Variants in DYNLT2B observed in about 807,000 individuals in gnomAD.
DYNLT2B encodes dynein light chain Tctex-type protein 2B.
A neutral mutation model predicts 19.5 loss-of-function variants in DYNLT2B; 14 were observed. The observed-to-expected ratio is 0.72, with a 90% CI of 0.47 to 1.12. DYNLT2B has a LOEUF of 1.12. DYNLT2B is among the 50% of genes most tolerant of loss of function. The probability of loss-of-function intolerance (pLI) is 0.00; values close to 1 mark genes in which losing one functional copy is unlikely to be tolerated. For synonymous variants in DYNLT2B, 70 were observed against 59.7 expected (o/e 1.17, Z -0.79); for missense variants, 133 against 174.7 (o/e 0.76, Z 1.35).
intron 3 of DYNLT2B, among the ~76,000 whole-genome samples, chr3:196,304,879 T>C (rs1175676796): frequency 3.9e-5 from 6 of 152,084 alleles, no homozygotes; most frequent in Admixed American, 3.3e-4. Context: ...CTTATCTACC[T>C]ACCTACCTAC....
intron 2 of DYNLT2B, among the ~76,000 whole-genome samples, chr3:196,310,892 C>T (rs149385037): frequency 2.0e-5 from 3 of 151,990 alleles, no homozygotes; most frequent in South Asian, 4.1e-4. Flanking sequence ...TGCACCACCA[C>T]GCCTGGCTAA....
Position 196,318,072 on chromosome 3 carries a change from G to C in DYNLT2B, c.81C>G (p.Asn27Lys). The C allele has an allele frequency of 3.8e-6, 6 of 1,564,678 alleles. No individual in the cohort carries two copies. Among genetic ancestry groups the C allele is most frequent in the Non-Finnish European group, 5.2e-6 (6 of 1,159,776 alleles). Reference protein sequence around the residue: ...EAEKNAGEPENTYILRPVFQQ... With the variant: ...EAEKNAGEPEKTYILRPVFQQ... ...GGAAAACAGGCCGCAGAATATAGGT[G>C]TTCTCGGGCTCCCCTGCGTTCTTCT... The change falls in exon 1 of 5, where the codon AAC becomes AAG. Residue 27 changes from asparagine (N) to lysine (K), a missense_variant. Asn to Lys is a moderately conservative substitution (Grantham distance 94). Transcript: ENST00000325318.
chr3:196,312,075 T>A (rs1043024739), intron 2 of DYNLT2B, among the ~76,000 whole-genome samples: 1 of 152,156 alleles, frequency 6.6e-6, no homozygotes, highest in South Asian at 2.1e-4. Flanking sequence ...AGACAGGGTT[T>A]CTCCATGTTG....
intron 3 of DYNLT2B, 150 bp from the exon 4 acceptor site, chr3:196,296,219 T>C: frequency 1.5e-6 from 1 of 662,084 alleles, no homozygotes; most frequent in Non-Finnish European, 2.6e-6. Flanking sequence ...GTATTGTATT[T>C]GTACCAGAGA....
At chr3:196,308,849 C>G (rs1391796596) in intron 2 of DYNLT2B, among the ~76,000 whole-genome samples, 1 of 152,160 alleles carries the variant, frequency 6.6e-6, no homozygotes, top group Non-Finnish European at 1.5e-5. Context: ...GAATAATACT[C>G]AGCCCTTAAA....
rs996940026 is a variant in DYNLT2B, at chr3:196,314,331, C to T, written c.247+1767G>A. Among the ~76,000 whole-genome samples the T allele has an allele frequency of 7.2e-5, 11 of 151,736 alleles. No individual in the cohort carries two copies. In the South Asian group the frequency reaches 1.5e-3, roughly 20 times the overall value. On this transcript the variant is annotated intron_variant, in intron 2 of 4. Transcript: ENST00000325318. ...AGACAAAATTAGCCACGTGTGGTGGCGCATGCTTGAAATTCCAACTGCTTG... is the reference window on the plus strand; with the variant it reads ...AGACAAAATTAGCCACGTGTGGTGGTGCATGCTTGAAATTCCAACTGCTTG...
intron 3 of DYNLT2B, among the ~76,000 whole-genome samples, chr3:196,301,126 T>C (rs1726343183): frequency 6.6e-6 from 1 of 151,828 alleles, no homozygotes; most frequent in Non-Finnish European, 1.5e-5. Flanking sequence ...CTCAGATGAG[T>C]TGGCACAAGA....
chr3:196,316,920 T>TG (rs1294929604), intron 1 of DYNLT2B, among the ~76,000 whole-genome samples: 1 of 139,034 alleles, frequency 7.2e-6, no homozygotes, highest in Non-Finnish European at 1.5e-5. Flanking sequence ...GTGTGGTGTG[T>TG]GTGTGTGTTG....
intron 2 of DYNLT2B, among the ~76,000 whole-genome samples, chr3:196,312,527 C>T (rs1186133275): frequency 3.9e-5 from 6 of 152,092 alleles, no homozygotes; most frequent in East Asian, 1.9e-4. Flanking sequence ...GGCACTATCT[C>T]GGCTCACTGC....
In DYNLT2B at chr3:196,318,026, C is replaced by G. The variant is rs750693495; in HGVS notation, c.113+14G>C. The G allele has an allele frequency of 2.0e-6, 3 of 1,482,976 alleles. No homozygotes were observed. The highest frequency in any genetic ancestry group is 1.4e-5 in the African/African-American group (1 of 69,534). The allele number at this position is 1,482,976 out of a possible 1,614,324, so 91.9% of individuals were successfully genotyped here. On this transcript the variant is annotated intron_variant, in intron 1 of 4. Transcript: ENST00000325318. Reference sequence around the variant, plus strand: ...CGCTCGAGGTCGCCCCGCCACAGCCCGTCCTCTACCCGCCTCTGCTGGAAA... The same window carrying G: ...CGCTCGAGGTCGCCCCGCCACAGCCGGTCCTCTACCCGCCTCTGCTGGAAA...
intron 2 of DYNLT2B, among the ~76,000 whole-genome samples, chr3:196,310,682 C>A (rs910933104): frequency 5.3e-5 from 8 of 151,794 alleles, no homozygotes; most frequent in African/African-American, 1.9e-4. Flanking sequence ...CCTGCTTCTG[C>A]CTCCCAAAGT....
intron 4 of DYNLT2B, among the ~76,000 whole-genome samples, chr3:196,293,663 T>TTTTA (rs1726147660): frequency 6.7e-6 from 1 of 148,752 alleles, no homozygotes; most frequent in Non-Finnish European, 1.5e-5. Context: ...TTTTTTTTTT[T>TTTTA]GAGACAGAGT....
intron 1 of DYNLT2B, among the ~76,000 whole-genome samples, chr3:196,316,562 C>G (rs1184263980): frequency 6.6e-6 from 1 of 151,554 alleles, no homozygotes; most frequent in Non-Finnish European, 1.5e-5. Flanking sequence ...CACGCTTTCA[C>G]AAAATAAAAT....
intron 3 of DYNLT2B, among the ~76,000 whole-genome samples, chr3:196,297,336 C>T (rs1345614907): frequency 6.6e-6 from 1 of 152,084 alleles, no homozygotes; most frequent in Non-Finnish European, 1.5e-5. Flanking sequence ...ACCAGCCTGC[C>T]CAACATGGTG....
At chr3:196,301,770 G>A (rs1726362335) in intron 3 of DYNLT2B, among the ~76,000 whole-genome samples, 1 of 151,264 alleles carries the variant, frequency 6.6e-6, no homozygotes, top group Non-Finnish European at 1.5e-5. Context: ...AGAGTGGGGA[G>A]GGTTAAAAAA....
At chr3:196,313,593 T>C (rs1259206932) in intron 2 of DYNLT2B, among the ~76,000 whole-genome samples, 2 of 152,144 alleles carry the variant, frequency 1.3e-5, no homozygotes, top group East Asian at 3.8e-4. Context: ...GTACCATTTT[T>C]TACAAAAAAT....
Position 196,306,947 on chromosome 3 carries a change from C to T in DYNLT2B, c.313G>A (p.Val105Ile). ...VVIGEQRGEG[V>I]FMASRCFWDA... is the part of the protein sequence containing the mutation. ...AAGGAAAATCCAGCTACTCACAATA[C>T]TCCTTCACCTCTTTGTTCTCCAATC... Residue 105 changes from valine (V) to isoleucine (I), a missense_variant, in exon 3 of 5, where the codon GTA becomes ATA. By Grantham distance (29) the Val-to-Ile change is conservative. Coordinates refer to ENST00000325318, the MANE Select transcript of DYNLT2B (RefSeq NM_152773.5). 1 of 1,613,424 alleles carries T rather than the reference C, an allele frequency of 6.2e-7. No individual in the cohort carries two copies. The highest frequency in any genetic ancestry group is 8.5e-7 in the Non-Finnish European group (1 of 1,179,368).
intron 3 of DYNLT2B, among the ~76,000 whole-genome samples, chr3:196,302,194 A>T (rs1318793330): frequency 6.6e-6 from 1 of 152,222 alleles, no homozygotes; most frequent in Non-Finnish European, 1.5e-5. Context: ...TACTGAGAAA[A>T]GACCAAACAT....
chr3:196,293,282 T>C (rs983731143), intron 4 of DYNLT2B, among the ~76,000 whole-genome samples: 1 of 152,172 alleles, frequency 6.6e-6, no homozygotes, highest in Admixed American at 6.5e-5. Flanking sequence ...AGCTGACACA[T>C]AATAGGAGCT....
Sources: allele counts gnomAD v4.1 joint callset (sites outside exome capture counted in the v4.1 genomes callset), GRCh38; gene constraint gnomAD v4.1.1; transcripts MANE v1.5; gene names NCBI Gene and HGNC (gene_info 2026-07-23, HGNC 2026-07-21).